Variants in SP2 observed in about 807,000 individuals in gnomAD.
SP2 encodes the protein Sp2 transcription factor, also known as transcription factor Sp2.
In SP2, 9 loss-of-function variants were observed where a neutral mutation model predicts 50.1. That is an observed-to-expected ratio of 0.18 (90% CI 0.11 to 0.31). The LOEUF (loss-of-function observed/expected upper bound fraction) is 0.31, where lower values mean the gene tolerates loss of function less well. Among genes scored for constraint, SP2 ranks in the 10% least tolerant of loss-of-function variants. The pLI, the probability that SP2 is intolerant of heterozygous loss-of-function variation, is 1.00. For synonymous variants in SP2, 313 were observed against 326.6 expected (o/e 0.96, Z 0.45); for missense variants, 581 against 806.5 (o/e 0.72, Z 3.39).
intron 1 of SP2, chr17:47,898,716 A>G (rs1404656797): frequency 6.6e-6 from 1 of 152,246 alleles, no homozygotes; most frequent in Non-Finnish European, 1.5e-5. Context: ...TGAAAGATGC[A>G]GAGAAACACT....
At chr17:47,909,255 GA>G (rs1176420795) in intron 1 of SP2, among the ~76,000 whole-genome samples, 2 of 152,168 alleles carry the variant, frequency 1.3e-5, no homozygotes, top group Non-Finnish European at 2.9e-5. Context: ...TGAACTTTTA[GA>G]AATGCAATCC....
chr17:47,928,747 T>C lies in SP2; in HGVS notation c.*923T>C, dbSNP rs1382653110. 2 of 152,686 alleles carry C rather than the reference T, an allele frequency of 1.3e-5. No homozygotes were observed. Among genetic ancestry groups the C allele is most frequent in the Non-Finnish European group, 2.9e-5 (2 of 68,046 alleles). 9.5% of individuals were successfully genotyped at this position (152,686 alleles called of 1,614,324 possible). ...TTGTATAATAGACAATTGTGTCTAC[T>C]ACATGTTTAAAAACACATTGCTTGT... is the stretch of plus-strand genomic sequence containing the variant. On this transcript the variant is annotated 3_prime_UTR_variant, in exon 7 of 7. Coordinates refer to ENST00000376741, the MANE Select transcript of SP2 (RefSeq NM_003110.6).
rs372727470 is a variant in SP2 at position 47,923,246 on chromosome 17, C to T, written c.1344C>T (p.Gly448=). The T allele has an allele frequency of 2.9e-5, 47 of 1,606,356 alleles. No individual in the cohort carries two copies. Among genetic ancestry groups the T allele is most frequent in the African/African-American group, 4.0e-5 (3 of 74,930 alleles). The part of the protein sequence containing the change: ...TININGVQVQ[G]VPVTITNTGG... ...ACATCAATGGTGTCCAGGTCCAGGGCGTGCCTGTCACCATCACCAACACAG... is the reference window on the plus strand; with the variant it reads ...ACATCAATGGTGTCCAGGTCCAGGGTGTGCCTGTCACCATCACCAACACAG... The change falls in exon 4 of 7, where the codon GGC becomes GGT. Residue 448 remains glycine, a synonymous_variant. Transcript: ENST00000376741.
At chr17:47,910,009 G>A (rs1024603211) in intron 1 of SP2, among the ~76,000 whole-genome samples, 1 of 152,014 alleles carries the variant, frequency 6.6e-6, no homozygotes, top group South Asian at 2.1e-4. Context: ...CACCACACCC[G>A]GCTAATTTTT....
intron 1 of SP2, chr17:47,899,676 C>CGGCA (rs2034463486): frequency 6.6e-6 from 1 of 152,226 alleles, no homozygotes; most frequent in Non-Finnish European, 1.5e-5. Context: ...GAGGCAGCAC[C>CGGCA]GGCAGCTTAG....
At chr17:47,908,301 C>T (rs1034917084) in intron 1 of SP2, among the ~76,000 whole-genome samples, 1 of 152,162 alleles carries the variant, frequency 6.6e-6, no homozygotes, top group Non-Finnish European at 1.5e-5. Context: ...GTTTTTATTT[C>T]GTCTCATTTC....
chr17:47,931,019 T>G (rs984969171), downstream of SP2, among the ~76,000 whole-genome samples: 6 of 152,122 alleles, frequency 3.9e-5, no homozygotes, highest in Non-Finnish European at 4.4e-5. Flanking sequence ...TTCCTTGCCC[T>G]TCCTTCAGAC....
rs1247377914 is a variant in SP2, at chr17:47,896,257, G to A, written c.-30G>A. On this transcript the variant is annotated 5_prime_UTR_variant, in exon 1 of 7. Transcript: ENST00000376741. ...TGTCAGGCTCTCGGTGGCGGCGGAG[G>A]CGGCGGAGGCCAGGGAGGAAGATGT... is the stretch of plus-strand genomic sequence containing the variant. The A allele has an allele frequency of 2.4e-6, 3 of 1,237,406 alleles. No homozygotes were observed. The highest frequency in any genetic ancestry group is 1.6e-5 in the African/African-American group (1 of 63,678). The allele number at this position is 1,237,406 out of a possible 1,614,324, so 76.7% of individuals were successfully genotyped here.
At chr17:47,925,614 C>T (rs982813790) in intron 6 of SP2, 73 bp downstream of exon 6, 2 of 1,245,844 alleles carry the variant, frequency 1.6e-6, no homozygotes, top group African/African-American at 2.9e-5. Flanking sequence ...CCCCACTCTA[C>T]CGGCTTTAGC....
At chr17:47,909,729 A>C (rs1316163175) in intron 1 of SP2, 31 of 978,934 alleles carry the variant, frequency 3.2e-5, no homozygotes, top group Non-Finnish European at 3.8e-5. Flanking sequence ...AATCTCATTT[A>C]GGTATGGAGC....
intron 4 of SP2, among the ~76,000 whole-genome samples, chr17:47,923,756 T>G (rs965205378): frequency 1.3e-5 from 2 of 152,242 alleles, no homozygotes; most frequent in Non-Finnish European, 2.9e-5. Context: ...AATGAATTTT[T>G]TTTTTGAGAC....
intron 1 of SP2, among the ~76,000 whole-genome samples, chr17:47,910,937 A>G (rs946600318): frequency 2.0e-5 from 3 of 152,180 alleles, no homozygotes; most frequent in Non-Finnish European, 2.9e-5. Context: ...TTTTAAAAAG[A>G]TGATTGGGCT....
chr17:47,925,905 C>CTTTTTTTTTTTTTTTTTT (rs71141942), intron 6 of SP2, among the ~76,000 whole-genome samples: 1 of 84,424 alleles, frequency 1.2e-5, no homozygotes, highest in African/African-American at 4.8e-5. Flanking sequence ...TTGTTTATGC[C>CTTTTTTTTTTTTTTTTTT]TTTTTTTTTT....
intron 1 of SP2, among the ~76,000 whole-genome samples, chr17:47,911,494 G>A (rs1235762540): frequency 2.9e-5 from 4 of 139,860 alleles, no homozygotes; most frequent in Non-Finnish European, 6.1e-5. Context: ...GCAACAGAGT[G>A]AGACTACATC....
At chr17:47,900,010 G>A (rs988640197) in intron 1 of SP2, 1 of 152,240 alleles carries the variant, frequency 6.6e-6, no homozygotes, top group African/African-American at 2.4e-5. Flanking sequence ...AGAATTGCTT[G>A]CTATACTTAG....
intron 3 of SP2, 28 bp downstream of exon 3, chr17:47,917,158 T>C (rs56947799): frequency 0.026 from 40,015 of 1,556,670 alleles, 917 homozygotes; most frequent in African/African-American, 0.11. Flanking sequence ...CTGTCCTCCT[T>C]CTCCTCCTCT....
In SP2 at chr17:47,927,739, A is replaced by C. The variant is rs1166299126; in HGVS notation, c.1757A>C (p.Glu586Ala). Residue 586 changes from glutamate (E) to alanine (A), a missense_variant, in exon 7 of 7, where the codon GAG becomes GCG. Physicochemically the swap from Glu to Ala is moderately radical, Grantham distance 107. Transcript: ENST00000376741. ...CTCTTCCCAGGGGACAAACGCTTCG[A>C]GTGCGCCCAGTGTCAGAAGCGCTTC... The part of the protein sequence containing the change: ...ARTHTGDKRF[E>A]CAQCQKRFMR... 6.3e-7 allele frequency: 1 copy of C among 1,587,034 alleles called. No individual in the cohort carries two copies. The highest frequency in any genetic ancestry group is 1.2e-5 in the South Asian group (1 of 86,910).
In SP2 at chr17:47,925,905, C is replaced by CTTTTTTTTTTTTT. The variant is rs71141942; in HGVS notation, c.1741+380_1741+392dup. Reference sequence around the variant, plus strand: ...TTATGGGAAGATACTTTGTTTATGCCTTTTTTTTTTTTTTTTTTTTTTTTT... The same window carrying CTTTTTTTTTTTTT: ...TTATGGGAAGATACTTTGTTTATGCCTTTTTTTTTTTTTTTTTTTTTTTTTTTTTTTTTTTTTT... On this transcript the variant is annotated intron_variant, in intron 6 of 6. Transcript: ENST00000376741. 1.3e-4 allele frequency among the ~76,000 whole-genome samples: 11 copies of CTTTTTTTTTTTTT among 84,438 alleles called. 1 individual carries two copies. The highest frequency in any genetic ancestry group is 5.3e-4 in the African/African-American group (11 of 20,854). 55.4% of individuals were successfully genotyped at this position (84,438 alleles called of 152,430 possible).
chr17:47,917,547 A>C (rs1644845889), intron 3 of SP2, among the ~76,000 whole-genome samples: 1 of 152,188 alleles, frequency 6.6e-6, no homozygotes, highest in African/African-American at 2.4e-5. Flanking sequence ...TGACAAGAAA[A>C]AAACAGGAAG....
Sources: gnomAD v4.1 joint callset for allele counts (sites outside exome capture counted in the v4.1 genomes callset) on GRCh38, gnomAD v4.1.1 for gene constraint, MANE v1.5 for transcripts, NCBI Gene and HGNC (gene_info 2026-07-23, HGNC 2026-07-21) for gene names.